Variants in ATP2B2 observed in about 807,000 individuals in gnomAD.
ATP2B2 encodes ATPase plasma membrane Ca2+ transporting 2, also known as plasma membrane calcium-transporting ATPase 2.
Under a neutral mutation model 120.0 loss-of-function variants are expected in ATP2B2, and 15 were observed. The observed-to-expected ratio is 0.12, with a 90% CI of 0.08 to 0.19. The LOEUF is 0.19. ATP2B2 is among the 10% of genes least tolerant of loss of function. The pLI is 1.00. For synonymous variants in ATP2B2, 694 were observed against 700.3 expected (o/e 0.99, Z 0.14); for missense variants, 1,045 against 1,719.8 (o/e 0.61, Z 6.94).
chr3:10,439,822 CT>C (rs1184158925), intron 2 of ATP2B2, among the ~76,000 whole-genome samples: 4 of 152,090 alleles, frequency 2.6e-5, no homozygotes, highest in Non-Finnish European at 5.9e-5. Flanking sequence ...TCAAGACCAG[CT>C]TGGTTCACTG....
intron 18 of ATP2B2, among the ~76,000 whole-genome samples, chr3:10,345,174 T>C (rs2060395481): frequency 6.6e-6 from 1 of 152,192 alleles, no homozygotes; most frequent in Non-Finnish European, 1.5e-5. Context: ...ACGCCACCTC[T>C]CTGAGCCTCA....
chr3:10,445,118 T>C (rs540727357), intron 2 of ATP2B2, among the ~76,000 whole-genome samples: 3 of 152,304 alleles, frequency 2.0e-5, no homozygotes, highest in South Asian at 4.1e-4. Flanking sequence ...CCCATGCATG[T>C]TTTTAAAAGA....
chr3:10,355,126 C>T (rs140497806), intron 14 of ATP2B2, among the ~76,000 whole-genome samples: 96 of 152,326 alleles, frequency 6.3e-4, no homozygotes, highest in South Asian at 3.1e-3. Flanking sequence ...TCCTTGGGTC[C>T]TGCATCCATC....
chr3:10,351,408 G>A lies in ATP2B2; in HGVS notation c.2137-831C>T, dbSNP rs117839490. ...AATAAAATAATATTTGCTGCAGAAC[G>A]TCTTTCAGTGGGAGAGAACATGTCA... On this transcript the variant is annotated intron_variant, in intron 14 of 22. Transcript: ENST00000360273. Among the ~76,000 whole-genome samples, 147 of 152,326 alleles carry A rather than the reference G, an allele frequency of 9.7e-4. No individual in the cohort carries two copies. The East Asian group carries it at 0.012, about 12-fold the overall frequency.
Position 10,371,937 on chromosome 3 carries a change from C to T in ATP2B2, c.1531G>A (p.Val511Met). Residue 511 changes from valine to methionine, a missense_variant, in exon 12 of 23, where the codon GTG becomes ATG. By Grantham distance (21) the Val-to-Met change is conservative (BLOSUM62 1). This residue lies in a region of ATP2B2 where 343 missense variants were observed against 536.8 expected (regional missense o/e 0.64). Transcript: ENST00000360273. ...TGTLTTNRMT[V>M]VQAYVGDVHY... ...ACGTCGCCGACATAGGCCTGTACCACTGTCATGCGATTGGTGGTCAGCGTG... is the reference window on the plus strand; with the variant it reads ...ACGTCGCCGACATAGGCCTGTACCATTGTCATGCGATTGGTGGTCAGCGTG... The T allele has an allele frequency of 6.2e-7, 1 of 1,614,220 alleles. No individual in the cohort carries two copies. The highest frequency in any genetic ancestry group is 8.5e-7 in the Non-Finnish European group (1 of 1,180,044).
At chr3:10,587,741 TG>T (rs1405663774) in intron 2 of ATP2B2, among the ~76,000 whole-genome samples, 4 of 117,104 alleles carry the variant, frequency 3.4e-5, no homozygotes, top group South Asian at 3.2e-4. Flanking sequence ...CAAGTGTTTC[TG>T]GTTTTTTTGT....
In ATP2B2 at chr3:10,342,304, T is replaced by C. The variant is rs1378510142; in HGVS notation, c.2917+448A>G. Among the ~76,000 whole-genome samples the C allele has an allele frequency of 1.3e-5, 2 of 152,068 alleles. No homozygotes were observed. The highest frequency in any genetic ancestry group is 2.1e-4 in the South Asian group (1 of 4,816). On this transcript the variant is annotated intron_variant, in intron 19 of 22. Coordinates refer to ENST00000360273, the MANE Select transcript of ATP2B2 (RefSeq NM_001001331.4). The surrounding 1 kb of genome is among the most constrained non-coding windows in gnomAD (Gnocchi z 4.4). ...CAACCAGGCAGCCCAAGTGGAAGCA[T>C]TGTGAGAGTCGGTGGTGGTGTGAGC...
chr3:10,594,285 C>T (rs1559476340), intron 2 of ATP2B2, among the ~76,000 whole-genome samples: 1 of 152,126 alleles, frequency 6.6e-6, no homozygotes, highest in Non-Finnish European at 1.5e-5. Flanking sequence ...TATTGTGGCA[C>T]TATTCACAAT....
At chr3:10,705,066 T>C (rs2071875923) in intron 1 of ATP2B2, among the ~76,000 whole-genome samples, 1 of 152,222 alleles carries the variant, frequency 6.6e-6, no homozygotes, top group Non-Finnish European at 1.5e-5. Context: ...AGTGATTCCA[T>C]ATAACAAAAA....
chr3:10,339,194 T>G lies in ATP2B2; in HGVS notation c.3238-836A>C, dbSNP rs561173747. On this transcript the variant is annotated intron_variant, in intron 21 of 22. Coordinates refer to ENST00000360273, the MANE Select transcript of ATP2B2 (RefSeq NM_001001331.4). ...GGGCCCAGCCCCCAAGAGCCTCCTG[T>G]AGGGGGTGGGCCCCAGTGGGATAAA... Among the ~76,000 whole-genome samples, 6 of 152,286 alleles carry G rather than the reference T, an allele frequency of 3.9e-5. No homozygotes were observed. In the South Asian group the frequency reaches 1.2e-3, roughly 32 times the overall value.
At chr3:10,359,781 G>A in intron 13 of ATP2B2, 101 bp downstream of exon 13, 1 of 1,550,886 alleles carries the variant, frequency 6.4e-7, no homozygotes, top group South Asian at 1.1e-5. Flanking sequence ...GCAGGCTGCT[G>A]AGCCTGGCCT....
intron 2 of ATP2B2, among the ~76,000 whole-genome samples, chr3:10,447,984 G>A (rs1296844524): frequency 5.3e-5 from 8 of 152,256 alleles, no homozygotes; most frequent in Non-Finnish European, 8.8e-5. Context: ...AACCAGGAGA[G>A]CAGACAAAGA....
At chr3:10,537,875 G>T (rs1020116098) in intron 2 of ATP2B2, among the ~76,000 whole-genome samples, 9 of 152,054 alleles carry the variant, frequency 5.9e-5, no homozygotes, top group Non-Finnish European at 1.0e-4. Context: ...TGTTGAATTT[G>T]CTTTTCCTAC....
chr3:10,634,574 C>A (rs2069967191), intron 1 of ATP2B2, among the ~76,000 whole-genome samples: 1 of 152,218 alleles, frequency 6.6e-6, no homozygotes, highest in Non-Finnish European at 1.5e-5. Context: ...TGAGAAAACA[C>A]AATTTTGGGG....
intron 1 of ATP2B2, among the ~76,000 whole-genome samples, chr3:10,460,471 C>G (rs966391145): frequency 3.3e-5 from 5 of 152,282 alleles, no homozygotes; most frequent in Non-Finnish European, 4.4e-5. Flanking sequence ...GCAATGCTGA[C>G]CAATGAAGAG....
rs952744694 is a variant in ATP2B2, at chr3:10,615,958, G to T, written c.-415+3959C>A. ...GTTGCTTCTGGGTCTCGCTGGGAAG[G>T]TAAGGTGGTAACCAAGTGCACCACC... On this transcript the variant is annotated intron_variant, in intron 2 of 21. Coordinates refer to the ATP2B2 transcript ENST00000646379. Among the ~76,000 whole-genome samples, 7 of 152,280 alleles carry T rather than the reference G, an allele frequency of 4.6e-5. No individual in the cohort carries two copies. The East Asian group carries it at 9.6e-4, about 21-fold the overall frequency.
intron 2 of ATP2B2, among the ~76,000 whole-genome samples, chr3:10,601,405 G>A (rs1321398423): frequency 6.6e-6 from 1 of 152,188 alleles, no homozygotes; most frequent in Non-Finnish European, 1.5e-5. Flanking sequence ...GAATAACACG[G>A]GGAGGGAGGC....
chr3:10,528,390 A>G (rs1019351924), intron 3 of ATP2B2, among the ~76,000 whole-genome samples: 8 of 152,192 alleles, frequency 5.3e-5, no homozygotes, highest in Non-Finnish European at 1.0e-4. Flanking sequence ...AGGGGAAAAA[A>G]GGGTAACAGA....
intron 5 of ATP2B2, among the ~76,000 whole-genome samples, chr3:10,390,270 G>T (rs1340943595): frequency 6.6e-6 from 1 of 152,034 alleles, no homozygotes; most frequent in Non-Finnish European, 1.5e-5. Context: ...ATCTCTCACT[G>T]TGTTTTGGTT....
Sources: allele counts gnomAD v4.1 joint callset (sites outside exome capture counted in the v4.1 genomes callset), GRCh38; gene constraint gnomAD v4.1.1; regional missense constraint gnomAD v4.1.1; non-coding constraint Gnocchi (gnomAD v3.1); transcripts MANE v1.5; gene names NCBI Gene and HGNC (gene_info 2026-07-23, HGNC 2026-07-21).